The following PCDHGA2 variants were observed in gnomAD, a reference collection of about 807,000 sequenced individuals.
PCDHGA2 encodes the protein protocadherin gamma subfamily A, 2, also known as protocadherin gamma-A2.
In PCDHGA2, 40 loss-of-function variants were observed where a neutral mutation model predicts 59.2. The ratio of observed to expected loss-of-function variants is 0.68; its 90% confidence interval spans 0.52 to 0.88. The LOEUF (loss-of-function observed/expected upper bound fraction) is 0.88. Ranked by LOEUF, PCDHGA2 falls within the 40% of genes least tolerant of loss-of-function variation. PCDHGA2 has a pLI of 0.00. For missense variants in PCDHGA2, 1,226 were observed against 1,204.0 expected (o/e 1.02, Z -0.27); for synonymous variants, 560 against 526.0 (o/e 1.06, Z -0.89).
At chr5:141,394,064 C>G in intron 1 of PCDHGA2, 7 of 1,613,776 alleles carry the variant, frequency 4.3e-6, no homozygotes, top group Non-Finnish European at 5.9e-6. Flanking sequence ...ATGTCTCTAT[C>G]TACAATATCA....
chr5:141,375,257 T>C, intron 1 of PCDHGA2: 1 of 1,613,890 alleles, frequency 6.2e-7, no homozygotes, highest in Middle Eastern at 1.6e-4. Flanking sequence ...AAGTCTCCCA[T>C]TTGAATTGGA....
chr5:141,413,081 C>A, intron 1 of PCDHGA2: 2 of 1,339,424 alleles, frequency 1.5e-6, no homozygotes, highest in Non-Finnish European at 2.0e-6. Context: ...GCCCAGGCTA[C>A]AGAGACACCC....
At chr5:141,443,499 A>T (rs533910381) in intron 1 of PCDHGA2, among the ~76,000 whole-genome samples, 1 of 152,268 alleles carries the variant, frequency 6.6e-6, no homozygotes, top group African/African-American at 2.4e-5. Context: ...ACAAACAAAC[A>T]AATAAAGAGC....
chr5:141,372,048 G>C (rs1331862731), intron 1 of PCDHGA2: 1 of 1,613,392 alleles, frequency 6.2e-7, no homozygotes, highest in African/African-American at 1.3e-5. Flanking sequence ...GCGCGTGTTG[G>C]TGGACGACCG....
rs778198822 is a variant in PCDHGA2 at position 141,432,802 on chromosome 5, A to G, written c.2425-62005A>G. 29 of 1,613,964 alleles carry G rather than the reference A, an allele frequency of 1.8e-5. No individual in the cohort carries two copies. The African/African-American group carries it at 3.6e-4, about 20-fold the overall frequency. On this transcript the variant is annotated intron_variant, in intron 1 of 3. Coordinates refer to ENST00000394576, the MANE Select transcript of PCDHGA2 (RefSeq NM_018915.4). This position sits in a 1 kb window ranked among gnomAD's most constrained non-coding sequence, Gnocchi z 6.0. ...CGGACCTCGGCAGCCTCGAGTCTCC[A>G]GCTAACTCTGAAACCTCAGACCTCA...
intron 1 of PCDHGA2, chr5:141,388,021 T>G (rs933819691): frequency 6.9e-7 from 1 of 1,457,968 alleles, no homozygotes; most frequent in Non-Finnish European, 9.3e-7. Flanking sequence ...AAGGGCTCCG[T>G]AGTGGGGAAC....
At position 141,390,471 on chromosome 5, in the gene PCDHGA2, G is replaced by C. The variant is rs969771801; in HGVS notation, c.2424+49076G>C. The C allele has an allele frequency of 7.2e-6, 5 of 697,624 alleles. No homozygotes were observed. The African/African-American group carries it at 9.0e-5, about 13-fold the overall frequency. The allele number at this position is 697,624 out of a possible 1,614,324, so 43.2% of individuals were successfully genotyped here. On this transcript the variant is annotated intron_variant, in intron 1 of 3. Coordinates refer to ENST00000394576, the MANE Select transcript of PCDHGA2 (RefSeq NM_018915.4). ...GGAGTAAAGTAGGAGCAATTGTGTG[G>C]CCCAACATTTGTTTGTTTTTTAGCC... is the stretch of plus-strand genomic sequence containing the variant.
At chr5:141,344,920 CAGTG>C in intron 1 of PCDHGA2, 1 of 1,613,888 alleles carries the variant, frequency 6.2e-7, no homozygotes, top group Non-Finnish European at 8.5e-7. Context: ...CATCTTAACT[CAGTG>C]AGTGGAGAAG....
chr5:141,377,580 A>G (rs1350053157), intron 1 of PCDHGA2: 1 of 151,568 alleles, frequency 6.6e-6, no homozygotes, highest in African/African-American at 2.4e-5. Context: ...TGGGAGACAG[A>G]ATGAGACTTT....
intron 1 of PCDHGA2, chr5:141,421,262 GGCT>G (rs748368476): frequency 2.1e-5 from 34 of 1,608,226 alleles, no homozygotes; most frequent in Admixed American, 5.1e-5. Flanking sequence ...GACCGCAGTC[GGCT>G]GCTGCTGCTG....
At chr5:141,457,094 C>T (rs2098908295) in intron 1 of PCDHGA2, among the ~76,000 whole-genome samples, 1 of 152,154 alleles carries the variant, frequency 6.6e-6, no homozygotes, top group Non-Finnish European at 1.5e-5. Context: ...TATAAGGATA[C>T]TAATTAAGCA....
At chr5:141,484,135 A>G (rs181630887) in intron 1 of PCDHGA2, among the ~76,000 whole-genome samples, 6 of 152,270 alleles carry the variant, frequency 3.9e-5, no homozygotes, top group Admixed American at 1.3e-4. Flanking sequence ...GTGTCAGATA[A>G]AGGGAATTTG....
At chr5:141,416,004 A>G (rs1225801773) in intron 1 of PCDHGA2, 2 of 254,264 alleles carry the variant, frequency 7.9e-6, no homozygotes, top group Non-Finnish European at 1.4e-5. Flanking sequence ...CAGGTCTGGT[A>G]AGAATAGGTA....
chr5:141,393,555 C>A lies in PCDHGA2; in HGVS notation c.2424+52160C>A. ...CCCGGTTTTTCCTCACCCGATTTAC[C>A]GAGTGAAAGTCCTTGAGAACATGCC... On this transcript the variant is annotated intron_variant, in intron 1 of 3. Transcript: ENST00000394576. The A allele has an allele frequency of 5.0e-6, 8 of 1,613,928 alleles. 1 individual carries two copies. Among genetic ancestry groups the A allele is most frequent in the Non-Finnish European group, 6.8e-6 (8 of 1,179,886 alleles).
intron 1 of PCDHGA2, chr5:141,370,631 C>A (rs1192871928): frequency 6.2e-7 from 1 of 1,613,710 alleles, no homozygotes; most frequent in South Asian, 1.1e-5. Flanking sequence ...CCGTGAGCCC[C>A]GAAAATGGGA....
At position 141,476,124 on chromosome 5, in the gene PCDHGA2, C is replaced by T. The variant is rs1187643558; in HGVS notation, c.2425-18683C>T. 4 of 1,603,236 alleles carry T rather than the reference C, an allele frequency of 2.5e-6. No homozygotes were observed. Among genetic ancestry groups the T allele is most frequent in the Non-Finnish European group, 3.4e-6 (4 of 1,176,388 alleles). ...GAACTGCTTTTGAGTGAGATGGTCCCAGAGGCCTGGAGGAGCGGACTGGTA... is the reference window on the plus strand; with the variant it reads ...GAACTGCTTTTGAGTGAGATGGTCCTAGAGGCCTGGAGGAGCGGACTGGTA... On this transcript the variant is annotated intron_variant, in intron 1 of 3. Transcript: ENST00000394576. This position sits in a 1 kb window ranked among gnomAD's most constrained non-coding sequence, Gnocchi z 7.6.
At chr5:141,344,188 T>TG in intron 1 of PCDHGA2, 1 of 1,614,012 alleles carries the variant, frequency 6.2e-7, no homozygotes, top group Non-Finnish European at 8.5e-7. Flanking sequence ...GCTAACGACC[T>TG]GGGGCTAGAG....
chr5:141,421,467 G>T (rs1436543181), intron 1 of PCDHGA2: 1 of 1,614,132 alleles, frequency 6.2e-7, no homozygotes, highest in South Asian at 1.1e-5. Flanking sequence ...CTGTGAATCC[G>T]CGAAGCGGCA....
At chr5:141,475,832 T>G in intron 1 of PCDHGA2, 1 of 410,610 alleles carries the variant, frequency 2.4e-6, no homozygotes, top group Non-Finnish European at 4.4e-6. Flanking sequence ...CTAGCGCGTG[T>G]CCTGCTCAGA....
Sources: allele counts gnomAD v4.1 joint callset (sites outside exome capture counted in the v4.1 genomes callset), GRCh38; gene constraint gnomAD v4.1.1; non-coding constraint Gnocchi (gnomAD v3.1); transcripts MANE v1.5; gene names NCBI Gene and HGNC (gene_info 2026-07-23, HGNC 2026-07-21).